LRRC9: variants seen among roughly 807,000 people sequenced by gnomAD.
LRRC9 encodes leucine rich repeat containing 9.
A neutral mutation model predicts 63.2 loss-of-function variants in LRRC9; 122 were observed. The ratio of observed to expected loss-of-function variants is 1.93; its 90% CI spans 1.67 to 2.24. LRRC9 has a LOEUF of 2.24. Ranked by LOEUF, LRRC9 falls within the 30% of genes most tolerant of loss-of-function variation. The pLI is 0.00. For missense variants in LRRC9, 1,071 were observed against 627.7 expected, an observed-to-expected ratio of 1.71 and a Z score of -7.55; for synonymous variants, 366 against 213.1, an observed-to-expected ratio of 1.72 and a Z score of -6.25.
chr14:59,967,278 A>T, intron 12 of LRRC9, 65 bp downstream of exon 12: 1 of 507,442 alleles, frequency 2.0e-6, no homozygotes. Flanking sequence ...CCGCTGGTTA[A>T]GCATGATTTC....
At chr14:60,048,195 C>A (rs1262934500) in intron 29 of LRRC9, among the ~76,000 whole-genome samples, 1 of 151,688 alleles carries the variant, frequency 6.6e-6, no homozygotes, top group African/African-American at 2.4e-5. Context: ...AAAGTTAGAT[C>A]TCAAGTTAAC....
At chr14:59,975,660 T>G (rs374476696) in intron 13 of LRRC9, among the ~76,000 whole-genome samples, 1 of 152,162 alleles carries the variant, frequency 6.6e-6, no homozygotes, top group East Asian at 1.9e-4. Flanking sequence ...AACTAGACAG[T>G]TTCATCTTTA....
chr14:59,948,517 T>C (rs1254845182), intron 8 of LRRC9, among the ~76,000 whole-genome samples: 2 of 119,230 alleles, frequency 1.7e-5, no homozygotes, highest in East Asian at 2.8e-4. Flanking sequence ...TCCTGCCTGA[T>C]TGCCCTGGCC....
chr14:59,981,781 G>C, intron 15 of LRRC9, 67 bp from the exon 16 acceptor site: 2 of 638,640 alleles, frequency 3.1e-6, no homozygotes, highest in Non-Finnish European at 5.5e-6. Context: ...TTTCTACATA[G>C]CTTGTTTGTT....
intron 7 of LRRC9, among the ~76,000 whole-genome samples, chr14:59,939,735 A>T (rs907648381): frequency 3.0e-4 from 45 of 152,000 alleles, no homozygotes; most frequent in Admixed American, 1.8e-3. Flanking sequence ...ATTTGACGAC[A>T]TGAGGAAGAG....
At position 60,003,786 on chromosome 14, in the gene LRRC9, TCAA is replaced by T; in HGVS notation, c.2831_2833del (p.Ser944_Lys945delinsTer). The T allele has an allele frequency of 1.6e-6, 1 of 609,902 alleles. No homozygotes were observed. Among genetic ancestry groups the T allele is most frequent in the Non-Finnish European group, 2.9e-6 (1 of 345,870 alleles). 37.8% of individuals were successfully genotyped at this position (609,902 alleles called of 1,614,324 possible). ...GCTCACATTAGATGGAAACTGCATCTCAAAGATAGAAGGTAAGGTACTTAAGAA... is the reference window on the plus strand; with the variant it reads ...GCTCACATTAGATGGAAACTGCATCTAGATAGAAGGTAAGGTACTTAAGAA... On this transcript the variant is annotated stop_gained and inframe_deletion, in exon 21 of 32. Transcript: ENST00000445360. LOFTEE classifies it high-confidence loss of function. The surrounding 1 kb of genome is among the most constrained non-coding windows in gnomAD (Gnocchi z 4.2).
intron 17 of LRRC9, among the ~76,000 whole-genome samples, chr14:59,993,485 G>A (rs1396912043): frequency 2.0e-5 from 3 of 152,126 alleles, no homozygotes; most frequent in Admixed American, 1.3e-4. Context: ...ATGTAAATGG[G>A]CTAAATGCTC....
chr14:59,931,788 A>G (rs2139784471), intron 5 of LRRC9, 106 bp downstream of exon 5: 1 of 614,892 alleles, frequency 1.6e-6, no homozygotes, highest in Admixed American at 2.9e-5. Context: ...TTTCTGTGAC[A>G]TATTTGCAAA....
chr14:60,045,753 C>G (rs1193541223), intron 29 of LRRC9, among the ~76,000 whole-genome samples: 1 of 152,090 alleles, frequency 6.6e-6, no homozygotes. Context: ...ATGTATCTTT[C>G]TAATAGAATG....
intron 12 of LRRC9, among the ~76,000 whole-genome samples, chr14:59,971,515 T>C (rs547429311): frequency 1.2e-3 from 177 of 152,306 alleles, no homozygotes; most frequent in Non-Finnish European, 2.0e-3. Flanking sequence ...ATAAATTGGT[T>C]TGGGCAGTAT....
intron 6 of LRRC9, among the ~76,000 whole-genome samples, chr14:59,937,900 CA>C (rs1227895465): frequency 3.3e-5 from 5 of 151,908 alleles, no homozygotes; most frequent in Admixed American, 3.3e-4. Context: ...ACAAAAAAAA[CA>C]AAAATCAGGA....
At chr14:59,940,235 C>T (rs1881614682) in intron 7 of LRRC9, among the ~76,000 whole-genome samples, 1 of 152,040 alleles carries the variant, frequency 6.6e-6, no homozygotes, top group South Asian at 2.1e-4. Flanking sequence ...CCTCCCTTTA[C>T]CTTTTAAGGC....
intron 18 of LRRC9, among the ~76,000 whole-genome samples, 188 bp downstream of exon 18, chr14:59,998,035 A>C (rs572881408): frequency 2.6e-5 from 4 of 152,198 alleles, no homozygotes; most frequent in Admixed American, 1.3e-4. Flanking sequence ...TACTATAAGA[A>C]AAGACTATAA....
intron 17 of LRRC9, among the ~76,000 whole-genome samples, chr14:59,996,601 T>C (rs1468063410): frequency 1.3e-5 from 2 of 152,148 alleles, no homozygotes; most frequent in African/African-American, 4.8e-5. Context: ...AAAAAGAATT[T>C]AAAAATGACC....
chr14:60,013,123 AAT>A (rs976892795), intron 23 of LRRC9, among the ~76,000 whole-genome samples: 1 of 117,672 alleles, frequency 8.5e-6, no homozygotes, highest in Non-Finnish European at 1.6e-5. Flanking sequence ...CCCAAGGCTT[AAT>A]ATGTTTTTAA....
At chr14:60,001,336 A>G (rs1388986220) in intron 19 of LRRC9, among the ~76,000 whole-genome samples, 1 of 152,098 alleles carries the variant, frequency 6.6e-6, no homozygotes, top group Non-Finnish European at 1.5e-5. Flanking sequence ...GCAAAAACTG[A>G]ATCAACCCCA....
intron 17 of LRRC9, among the ~76,000 whole-genome samples, chr14:59,989,927 CTT>C (rs71451089): frequency 4.5e-5 from 6 of 132,314 alleles, no homozygotes; most frequent in Admixed American, 7.6e-5. Flanking sequence ...CTAGACCTTC[CTT>C]TTTTTTTTTT....
chr14:60,041,429 C>A (rs568943211), intron 29 of LRRC9, among the ~76,000 whole-genome samples: 1 of 152,138 alleles, frequency 6.6e-6, no homozygotes, highest in Non-Finnish European at 1.5e-5. Context: ...TTCACATAGT[C>A]CCATATTTTT....
At chr14:60,019,337 C>A in intron 26 of LRRC9, 77 bp downstream of exon 26, 1 of 558,384 alleles carries the variant, frequency 1.8e-6, no homozygotes. Flanking sequence ...TTAATGATAG[C>A]AGTAACACAT....
Sources: allele counts gnomAD v4.1 joint callset (sites outside exome capture counted in the v4.1 genomes callset), GRCh38; gene constraint gnomAD v4.1.1; non-coding constraint Gnocchi (gnomAD v3.1); transcripts MANE v1.5; gene names NCBI Gene and HGNC (gene_info 2026-07-23, HGNC 2026-07-21).